The following PPARGC1A variants were observed in gnomAD, a reference collection of about 807,000 sequenced individuals.
PPARGC1A encodes the protein peroxisome proliferator-activated receptor gamma coactivator 1-alpha.
In PPARGC1A, 25 loss-of-function variants were observed where a neutral mutation model predicts 88.7. That is an observed-to-expected ratio of 0.28 (90% CI 0.21 to 0.39). The LOEUF is 0.39. Among genes scored for constraint, PPARGC1A ranks in the 10% least tolerant of loss-of-function variants. PPARGC1A has a pLI of 1.00. For missense variants in PPARGC1A, 880 were observed against 968.7 expected (o/e 0.91, Z 1.22); for synonymous variants, 363 against 355.6 (o/e 1.02, Z -0.24).
chr4:23,874,609 C>T (rs903687244), intron 2 of PPARGC1A, among the ~76,000 whole-genome samples: 1 of 151,796 alleles, frequency 6.6e-6, no homozygotes, highest in Non-Finnish European at 1.5e-5. Context: ...CACAGGCACA[C>T]ACTCTCACTA....
chr4:23,931,142 C>T, the PPARGC1A span, among the ~76,000 whole-genome samples: 1 of 152,184 alleles, frequency 6.6e-6, no homozygotes, highest in South Asian at 2.1e-4. Context: ...CTGTGGTGGC[C>T]GCTGCCTTTC....
intron 10 of PPARGC1A, among the ~76,000 whole-genome samples, chr4:23,808,195 G>A (rs1236748072): frequency 3.4e-5 from 5 of 145,224 alleles, no homozygotes; most frequent in Admixed American, 7.1e-5. Context: ...AGCTTGCAGT[G>A]AGCCAAGATT....
the PPARGC1A span, among the ~76,000 whole-genome samples, chr4:24,087,601 C>T: frequency 3.9e-5 from 6 of 152,294 alleles, no homozygotes; most frequent in South Asian, 2.1e-4. Flanking sequence ...CTCATGCAAG[C>T]GTAATCACCT....
the PPARGC1A span, among the ~76,000 whole-genome samples, chr4:24,224,564 T>G: frequency 6.6e-6 from 1 of 152,190 alleles, no homozygotes; most frequent in Non-Finnish European, 1.5e-5. Context: ...TCTGAAAATA[T>G]TTACTGAGCA....
the PPARGC1A span, among the ~76,000 whole-genome samples, chr4:24,152,889 C>A: frequency 2.0e-5 from 3 of 152,206 alleles, no homozygotes; most frequent in African/African-American, 4.8e-5. Flanking sequence ...TCAACTCTCA[C>A]CTTGTTTGCC....
the PPARGC1A span, among the ~76,000 whole-genome samples, chr4:24,161,959 TATACACACACACACACACACACAC>T: frequency 2.5e-4 from 30 of 118,732 alleles, no homozygotes; most frequent in African/African-American, 9.8e-4. Context: ...GAAATTGTGA[TATACACACACACACACACACACAC>T]ACACACACAC....
chr4:24,330,292 C>T, the PPARGC1A span, among the ~76,000 whole-genome samples: 4 of 152,264 alleles, frequency 2.6e-5, no homozygotes, highest in African/African-American at 7.2e-5. Flanking sequence ...GTTTCTGTGT[C>T]GGAATGGTCA....
the PPARGC1A span, among the ~76,000 whole-genome samples, chr4:24,025,951 G>C: frequency 3.9e-5 from 6 of 152,142 alleles, no homozygotes; most frequent in Non-Finnish European, 8.8e-5. Context: ...AATCTTATGA[G>C]TTATAAATCT....
chr4:24,136,601 T>C, the PPARGC1A span, among the ~76,000 whole-genome samples: 1 of 152,136 alleles, frequency 6.6e-6, no homozygotes, highest in Non-Finnish European at 1.5e-5. Flanking sequence ...GCACGAAATG[T>C]GGAGTCAGAG....
chr4:24,123,690 A>AT, the PPARGC1A span, among the ~76,000 whole-genome samples: 1 of 152,050 alleles, frequency 6.6e-6, no homozygotes, highest in Non-Finnish European at 1.5e-5. Context: ...CACAGATGCA[A>AT]TTTTTTTAGC....
chr4:24,341,241 G>A, the PPARGC1A span, among the ~76,000 whole-genome samples: 3 of 150,198 alleles, frequency 2.0e-5, no homozygotes, highest in East Asian at 2.0e-4. Context: ...ATACACACAC[G>A]TATATAAAAT....
the PPARGC1A span, among the ~76,000 whole-genome samples, chr4:24,132,072 A>C: frequency 6.6e-6 from 1 of 152,202 alleles, no homozygotes; most frequent in Non-Finnish European, 1.5e-5. Flanking sequence ...TGCGAGGAAG[A>C]CATTTTGCAC....
the PPARGC1A span, among the ~76,000 whole-genome samples, chr4:24,317,316 T>C: frequency 2.6e-5 from 4 of 151,944 alleles, no homozygotes; most frequent in Non-Finnish European, 5.9e-5. Context: ...GTCACTCTCC[T>C]AGGCACTGGC....
intron 3 of PPARGC1A, among the ~76,000 whole-genome samples, chr4:23,830,682 G>A (rs1724840395): frequency 6.6e-6 from 1 of 152,144 alleles, no homozygotes; most frequent in South Asian, 2.1e-4. Context: ...CGATATTAGA[G>A]TCTGGAGGAT....
At chr4:24,079,583 T>C in the PPARGC1A span, among the ~76,000 whole-genome samples, 1 of 152,078 alleles carries the variant, frequency 6.6e-6, no homozygotes, top group South Asian at 2.1e-4. Flanking sequence ...AATTTATCTC[T>C]GAAACACAGA....
the PPARGC1A span, among the ~76,000 whole-genome samples, chr4:24,089,157 T>C: frequency 1.3e-5 from 2 of 152,188 alleles, no homozygotes; most frequent in Non-Finnish European, 2.9e-5. Context: ...TCACAATTCA[T>C]TCTTAAACAA....
the PPARGC1A span, among the ~76,000 whole-genome samples, chr4:24,160,682 T>C: frequency 1.1e-4 from 17 of 152,350 alleles, no homozygotes; most frequent in South Asian, 3.5e-3. Context: ...CCTTATATAT[T>C]GTCCCTTCCC....
the PPARGC1A span, among the ~76,000 whole-genome samples, chr4:24,066,385 TGAAA>T: frequency 4.6e-5 from 7 of 152,180 alleles, no homozygotes; most frequent in Admixed American, 3.3e-4. Context: ...TTGCTTCACC[TGAAA>T]GAGAGTTTTA....
chr4:23,815,886 C>A (rs2109493308), intron 7 of PPARGC1A, among the ~76,000 whole-genome samples: 2 of 152,156 alleles, frequency 1.3e-5, no homozygotes, highest in Admixed American at 6.6e-5. Context: ...AAAAATGCTA[C>A]CTTGCTGGAA....
Sources: gnomAD v4.1 joint callset for allele counts (sites outside exome capture counted in the v4.1 genomes callset) on GRCh38, gnomAD v4.1.1 for gene constraint, MANE v1.5 for transcripts, NCBI Gene and HGNC (gene_info 2026-07-23, HGNC 2026-07-21) for gene names.